Variants in BMP1 observed in about 807,000 individuals in gnomAD.
BMP1 encodes the protein bone morphogenetic protein 1, also known as mammalian tolloid protein.
In BMP1, 63 loss-of-function variants were observed where a neutral mutation model predicts 116.8. That is an observed-to-expected ratio of 0.54 (90% CI 0.44 to 0.67). The LOEUF is 0.67. Among genes scored for constraint, BMP1 ranks in the 30% least tolerant of loss-of-function variants. The pLI, the probability that BMP1 is intolerant of heterozygous loss-of-function variation, is 0.00. For missense variants in BMP1, 1,183 were observed against 1,358.9 expected (o/e 0.87, Z 2.04); for synonymous variants, 536 against 533.4 (o/e 1.00, Z -0.07).
intron 8 of BMP1, among the ~76,000 whole-genome samples, chr8:22,186,934 T>C (rs1280153549): frequency 2.0e-5 from 3 of 152,224 alleles, no homozygotes; most frequent in East Asian, 1.9e-4. Context: ...ACCTATCATG[T>C]AGTGAGAACC....
At chr8:22,189,133 C>T (rs1349553322) in intron 8 of BMP1, among the ~76,000 whole-genome samples, 1 of 152,170 alleles carries the variant, frequency 6.6e-6, no homozygotes, top group South Asian at 2.1e-4. Context: ...CTCCGGATCC[C>T]ATTCCTCAGA....
At chr8:22,199,023 C>G (rs1161332753) in intron 15 of BMP1, 1 of 1,335,556 alleles carries the variant, frequency 7.5e-7, no homozygotes, top group Non-Finnish European at 1.0e-6. Context: ...TTGCTCCAGT[C>G]TTGGAGGGGG....
At chr8:22,171,981 A>C (rs1014044058) in intron 1 of BMP1, among the ~76,000 whole-genome samples, 2 of 152,202 alleles carry the variant, frequency 1.3e-5, no homozygotes, top group African/African-American at 4.8e-5. Flanking sequence ...ATGGCTCTGC[A>C]CTGGATGGCA....
At position 22,173,582 on chromosome 8, in the gene BMP1, G is replaced by A; in HGVS notation, c.149-20G>A. Reference sequence around the variant, plus strand: ...GGGTAGGAGGATTAACTCAGCCCTGGCTTCTTCTTTTCTCTTTAGCTGCCT... The same window carrying A: ...GGGTAGGAGGATTAACTCAGCCCTGACTTCTTCTTTTCTCTTTAGCTGCCT... On this transcript the variant is annotated intron_variant, in intron 1 of 19. Transcript: ENST00000306385. 6.3e-7 allele frequency: 1 copy of A among 1,593,940 alleles called. No homozygotes were observed. The highest frequency in any genetic ancestry group is 8.6e-7 in the Non-Finnish European group (1 of 1,166,618).
At chr8:22,180,559 G>T in intron 8 of BMP1, 76 bp downstream of exon 8, 1 of 1,324,656 alleles carries the variant, frequency 7.5e-7, no homozygotes. Flanking sequence ...CCCACAGTGG[G>T]GGTCAATATG....
chr8:22,185,308 T>C (rs1448107122), intron 8 of BMP1, among the ~76,000 whole-genome samples: 1 of 151,612 alleles, frequency 6.6e-6, no homozygotes, highest in Non-Finnish European at 1.5e-5. Flanking sequence ...AAAAATTAGC[T>C]GGGCATGGTG....
At chr8:22,182,609 A>T (rs1359752767) in intron 8 of BMP1, among the ~76,000 whole-genome samples, 3 of 152,232 alleles carry the variant, frequency 2.0e-5, no homozygotes, top group Non-Finnish European at 1.5e-5. Flanking sequence ...CCCTTTTAAA[A>T]GGAAGACAAA....
At chr8:22,200,454 A>G (rs1586468002) in intron 15 of BMP1, among the ~76,000 whole-genome samples, 1 of 152,146 alleles carries the variant, frequency 6.6e-6, no homozygotes, top group East Asian at 1.9e-4. Flanking sequence ...GTGGGAATGC[A>G]GAGTGTGTAT....
At chr8:22,170,096 A>G (rs962575114) in intron 1 of BMP1, 12 of 152,284 alleles carry the variant, frequency 7.9e-5, no homozygotes, top group African/African-American at 2.9e-4. Flanking sequence ...CCCCACCCCC[A>G]CTTGGTTCCC....
At chr8:22,182,672 A>T (rs1401195899) in intron 8 of BMP1, among the ~76,000 whole-genome samples, 4 of 152,164 alleles carry the variant, frequency 2.6e-5, no homozygotes, top group African/African-American at 9.7e-5. Context: ...CTAGTAATCA[A>T]GTGTTTCTTT....
rs1828539044 is a variant in BMP1 at position 22,179,110 on chromosome 8, C to A, written c.837-595C>A. Among the ~76,000 whole-genome samples the A allele has an allele frequency of 6.6e-6, 1 of 152,226 alleles. No homozygotes were observed. Among genetic ancestry groups the A allele is most frequent in the Non-Finnish European group, 1.5e-5 (1 of 68,040 alleles). On this transcript the variant is annotated intron_variant, in intron 6 of 19. Transcript: ENST00000306385. The surrounding 1 kb of genome is among the most constrained non-coding windows in gnomAD (Gnocchi z 4.6). ...CCCCTTCACTCTGCTCCTCCCAGTG[C>A]AAACACCCAGGATTCAGCAGGGAGG...
At chr8:22,196,320 C>T (rs768201651) in intron 13 of BMP1, 3 of 569,132 alleles carry the variant, frequency 5.3e-6, no homozygotes, top group South Asian at 2.8e-5. Context: ...TGCTGTGCCC[C>T]CGAGCTGCTC....
In BMP1 at chr8:22,176,514, G is replaced by T; in HGVS notation, c.434-19G>T. On this transcript the variant is annotated intron_variant, in intron 3 of 19. Coordinates refer to ENST00000306385, the MANE Select transcript of BMP1 (RefSeq NM_006129.5). ...ACTGCCTGGACACCGTGGCAACCTGGCTTCCTTCCTCCTGGCAGGTAGCCA... is the reference window on the plus strand; with the variant it reads ...ACTGCCTGGACACCGTGGCAACCTGTCTTCCTTCCTCCTGGCAGGTAGCCA... 1.2e-6 allele frequency: 2 copies of T among 1,613,038 alleles called. No individual in the cohort carries two copies. Among genetic ancestry groups the T allele is most frequent in the Non-Finnish European group, 1.7e-6 (2 of 1,179,212 alleles).
In BMP1 at chr8:22,194,812, G is replaced by C; in HGVS notation, c.1532G>C (p.Gly511Ala). 6.2e-7 allele frequency: 1 copy of C among 1,614,182 alleles called. No homozygotes were observed. ...AGCACCCTCATCGGGCGCTACTGTG[G>C]CTATGAGAAGCCTGATGACATCAAG... ...ESSTLIGRYC[G>A]YEKPDDIKST... is the part of the protein sequence containing the mutation. Residue 511 changes from glycine to alanine, a missense_variant, in exon 12 of 20, where the codon GGC becomes GCC. Coordinates refer to ENST00000306385, the MANE Select transcript of BMP1 (RefSeq NM_006129.5). The surrounding 1 kb of genome is among the most constrained non-coding windows in gnomAD (Gnocchi z 4.5).
chr8:22,201,100 TTC>T lies in BMP1; in HGVS notation c.2108-694_2108-693del, dbSNP rs1399628159. On this transcript the variant is annotated intron_variant, in intron 15 of 19. Transcript: ENST00000306385. ...CCCCACCCCTTGGTCCCTTTTCTCCTTCTCTCTCTCGTTTCAGAAAAGAGGCC... is the reference window on the plus strand; with the variant it reads ...CCCCACCCCTTGGTCCCTTTTCTCCTTCTCTCTCGTTTCAGAAAAGAGGCC... 3.9e-6 allele frequency: 5 copies of T among 1,275,812 alleles called. No homozygotes were observed. Among genetic ancestry groups the T allele is most frequent in the Non-Finnish European group, 4.3e-6 (4 of 932,188 alleles). 79.0% of individuals were successfully genotyped at this position (1,275,812 alleles called of 1,614,324 possible).
In BMP1 at chr8:22,176,332, G is replaced by A; in HGVS notation, c.433+19G>A. The A allele has an allele frequency of 6.3e-7, 1 of 1,577,138 alleles. No homozygotes were observed. On this transcript the variant is annotated intron_variant, in intron 3 of 19. Transcript: ENST00000306385. ...TTCACTGGTGAGCGTGCTATTGTGG[G>A]TCCCAGAGTGTAACCAGCTTCCGGG...
At chr8:22,190,360 G>A (rs936702917) in intron 8 of BMP1, among the ~76,000 whole-genome samples, 1 of 152,252 alleles carries the variant, frequency 6.6e-6, no homozygotes, top group African/African-American at 2.4e-5. Context: ...AGGATGGGCT[G>A]TGGAGCTAAG....
At position 22,173,681 on chromosome 8, in the gene BMP1, G is replaced by C; in HGVS notation, c.228G>C (p.Arg76=). Residue 76 remains arginine (R), a synonymous_variant, in exon 2 of 20, where the codon CGG becomes CGC. Transcript: ENST00000306385. ...TACAGCAGGCTGTGGATCTCAGACG[G>C]CACACAGCTCGTAAGTCCTCCATCA... ...FQVQQAVDLR[R]HTARKSSIKA... is the part of the protein sequence containing the mutation. 1 of 1,613,436 alleles carries C rather than the reference G, an allele frequency of 6.2e-7. No individual in the cohort carries two copies.
intron 15 of BMP1, chr8:22,198,834 C>G: frequency 1.4e-6 from 1 of 722,526 alleles, no homozygotes; most frequent in East Asian, 8.6e-5. Context: ...GACCTCCTGC[C>G]CCCAACCCCC....
Sources: gnomAD v4.1 joint callset for allele counts (sites outside exome capture counted in the v4.1 genomes callset) on GRCh38, gnomAD v4.1.1 for gene constraint, Gnocchi (gnomAD v3.1) non-coding constraint, MANE v1.5 for transcripts, NCBI Gene and HGNC (gene_info 2026-07-23, HGNC 2026-07-21) for gene names.